SYCP2L: variants seen among roughly 807,000 people sequenced by gnomAD.
The protein encoded by SYCP2L is synaptonemal complex protein 2 like.
SYCP2L carries 98 observed loss-of-function variants against 125.8 expected under a neutral mutation model. The observed-to-expected ratio is 0.78, with a 90% CI of 0.66 to 0.92. The LOEUF (loss-of-function observed/expected upper bound fraction) is 0.92, where lower values mean the gene tolerates loss of function less well. Among genes scored for constraint, SYCP2L ranks in the 40% least tolerant of loss-of-function variants. SYCP2L has a pLI of 0.00. For synonymous variants in SYCP2L, 317 were observed against 325.4 expected (o/e 0.97, Z 0.28); for missense variants, 842 against 936.4 (o/e 0.90, Z 1.32).
chr6:10,924,503 GAAGATA>G lies in SYCP2L; in HGVS notation c.1087_1092del (p.Lys363_Ile364del), dbSNP rs1300144312. On this transcript the variant is annotated inframe_deletion, in exon 15 of 30. Coordinates refer to ENST00000283141, the MANE Select transcript of SYCP2L (RefSeq NM_001040274.3). ...TTCCATATTTTCTCTTAGAAACGGA[GAAGATA>G]AAGATATTTATCATTTACCTGAAGA... 1 of 1,568,952 alleles carries G rather than the reference GAAGATA, an allele frequency of 6.4e-7. No individual in the cohort carries two copies. The highest frequency in any genetic ancestry group is 1.4e-5 in the African/African-American group (1 of 72,068).
chr6:10,932,171 A>G (rs1781008118), intron 20 of SYCP2L, among the ~76,000 whole-genome samples: 1 of 152,038 alleles, frequency 6.6e-6, no homozygotes, highest in Admixed American at 6.6e-5. Flanking sequence ...TGGTTTAATT[A>G]TTTAGACATT....
chr6:10,962,096 G>C (rs191239411), intron 28 of SYCP2L, among the ~76,000 whole-genome samples: 9 of 152,230 alleles, frequency 5.9e-5, no homozygotes, highest in East Asian at 5.8e-4. Context: ...GGAGAGTTGA[G>C]TCTGGATCCT....
intron 17 of SYCP2L, among the ~76,000 whole-genome samples, chr6:10,927,810 T>C (rs983208609): frequency 5.9e-5 from 9 of 152,168 alleles, no homozygotes; most frequent in African/African-American, 2.2e-4. Context: ...AGACTGGGGC[T>C]TATTTTATCC....
chr6:10,945,687 T>C (rs77462461), intron 23 of SYCP2L, among the ~76,000 whole-genome samples: 34,008 of 148,794 alleles, frequency 0.23, 4,385 homozygotes, highest in East Asian at 0.44. Flanking sequence ...AGAGAATCAC[T>C]TAAACCCAGG....
intron 21 of SYCP2L, among the ~76,000 whole-genome samples, chr6:10,937,010 C>T (rs1781109457): frequency 6.6e-6 from 1 of 152,208 alleles, no homozygotes; most frequent in Non-Finnish European, 1.5e-5. Flanking sequence ...AATTACCCCA[C>T]CTTCAATAGT....
intron 21 of SYCP2L, 108 bp from the exon 22 acceptor site, chr6:10,942,351 C>A: frequency 1.4e-6 from 1 of 723,720 alleles, no homozygotes; most frequent in Non-Finnish European, 2.2e-6. Flanking sequence ...TCACTTAGAA[C>A]TGTGTTCCTT....
Position 10,935,205 on chromosome 6 carries a change from G to T in SYCP2L, c.1813+18G>T. The T allele has an allele frequency of 6.2e-7, 1 of 1,604,072 alleles. No individual in the cohort carries two copies. The highest frequency in any genetic ancestry group is 1.1e-5 in the South Asian group (1 of 87,144). ...GAAAACAGGTACATGATTTTCTGTT[G>T]ACTTACATAGGAAAAAATTTGTATT... On this transcript the variant is annotated intron_variant, in intron 21 of 29. Coordinates refer to ENST00000283141, the MANE Select transcript of SYCP2L (RefSeq NM_001040274.3).
At chr6:10,965,823 C>G (rs558069414) in intron 29 of SYCP2L, among the ~76,000 whole-genome samples, 4 of 152,136 alleles carry the variant, frequency 2.6e-5, no homozygotes, top group African/African-American at 9.6e-5. Flanking sequence ...CTTAAAATAA[C>G]CACTCTAGGC....
rs774117151 is a variant in SYCP2L, at chr6:10,928,418, CCGTT to C, written c.1459_1462del (p.Phe487GlyfsTer41). The C allele has an allele frequency of 1.9e-6, 3 of 1,577,254 alleles. No individual in the cohort carries two copies. The African/African-American group carries it at 4.1e-5, about 22-fold the overall frequency. On this transcript the variant is annotated frameshift_variant, in exon 18 of 30. Coordinates refer to ENST00000283141, the MANE Select transcript of SYCP2L (RefSeq NM_001040274.3). LOFTEE classifies it high-confidence loss of function. ...TCTGCCATAGCTTCAGCCGGTCCCT[CCGTT>C]CGGGGTCCCTGACTTCCCGCAACAA... is the stretch of plus-strand genomic sequence containing the variant.
intron 14 of SYCP2L, 139 bp from the exon 15 acceptor site, chr6:10,924,357 T>C: frequency 6.2e-6 from 4 of 647,480 alleles, no homozygotes; most frequent in African/African-American, 5.7e-5. Flanking sequence ...AGTAATGTTA[T>C]TTAATATGAT....
intron 20 of SYCP2L, among the ~76,000 whole-genome samples, chr6:10,934,757 T>C (rs550842907): frequency 2.0e-5 from 3 of 152,282 alleles, no homozygotes; most frequent in Admixed American, 1.3e-4. Flanking sequence ...TGGGATCAGG[T>C]GCCAGCCTTT....
rs1780635283 is a variant in SYCP2L, at chr6:10,912,924, A to G, written c.1069A>G (p.Thr357Ala). Reference protein sequence around the residue: ...PKEAVMNFSITETEKIKIFII... With the variant: ...PKEAVMNFSIAETEKIKIFII... ...GGAAGCGGTGATGAATTTCAGCATAACAGGTAATATGATACATTTAAACAA... is the reference window on the plus strand; with the variant it reads ...GGAAGCGGTGATGAATTTCAGCATAGCAGGTAATATGATACATTTAAACAA... The change falls in exon 14 of 30, where the codon ACA becomes GCA. Residue 357 changes from threonine to alanine, a missense_variant. Transcript: ENST00000283141. The surrounding 1 kb of genome is among the most constrained non-coding windows in gnomAD (Gnocchi z 4.1). 6 of 1,613,404 alleles carry G rather than the reference A, an allele frequency of 3.7e-6. No homozygotes were observed. In the South Asian group the frequency reaches 5.5e-5, roughly 15 times the overall value.
At chr6:10,923,985 A>G (rs1028742578) in intron 14 of SYCP2L, among the ~76,000 whole-genome samples, 5 of 152,178 alleles carry the variant, frequency 3.3e-5, no homozygotes, top group African/African-American at 1.2e-4. Flanking sequence ...CGCCTGGCCT[A>G]CAGAATTTTT....
intron 26 of SYCP2L, 105 bp from the exon 27 acceptor site, chr6:10,961,198 GTC>G: frequency 1.2e-6 from 1 of 846,462 alleles, no homozygotes; most frequent in South Asian, 1.7e-5. Context: ...GACAAGAAAT[GTC>G]TGGAGAAGAG....
At chr6:10,958,715 A>C in intron 25 of SYCP2L, 69 bp from the exon 26 acceptor site, 2 of 1,401,572 alleles carry the variant, frequency 1.4e-6, no homozygotes, top group Non-Finnish European at 2.0e-6. Flanking sequence ...TCTTTTTAAC[A>C]CAAAGCATGC....
intron 21 of SYCP2L, among the ~76,000 whole-genome samples, chr6:10,939,132 A>G (rs1482423731): frequency 2.0e-5 from 3 of 152,104 alleles, no homozygotes; most frequent in African/African-American, 7.2e-5. Flanking sequence ...AAAAAAAAAG[A>G]AAATTTCATT....
At chr6:10,940,303 A>G (rs1314884718) in intron 21 of SYCP2L, among the ~76,000 whole-genome samples, 1 of 152,204 alleles carries the variant, frequency 6.6e-6, no homozygotes, top group Non-Finnish European at 1.5e-5. Flanking sequence ...AGAATTGTAT[A>G]GAATCCATCA....
intron 29 of SYCP2L, among the ~76,000 whole-genome samples, chr6:10,967,454 G>GGTGTGT (rs3066151): frequency 0.035 from 4,830 of 138,866 alleles, 220 homozygotes; most frequent in African/African-American, 0.1. Flanking sequence ...TGGGGTAGAG[G>GGTGTGT]GTGTGTGTGT....
intron 20 of SYCP2L, among the ~76,000 whole-genome samples, chr6:10,933,308 C>G (rs1056167086): frequency 6.6e-6 from 1 of 152,184 alleles, no homozygotes; most frequent in Non-Finnish European, 1.5e-5. Flanking sequence ...AGCCAGAAAA[C>G]AGCCAGAGAC....
Sources: allele counts gnomAD v4.1 joint callset (sites outside exome capture counted in the v4.1 genomes callset), GRCh38; gene constraint gnomAD v4.1.1; non-coding constraint Gnocchi (gnomAD v3.1); transcripts MANE v1.5; gene names NCBI Gene and HGNC (gene_info 2026-07-23, HGNC 2026-07-21).